The following ERMARD variants were observed in gnomAD, a reference collection of about 807,000 sequenced individuals.
ERMARD encodes ER membrane associated RNA degradation, also known as endoplasmic reticulum membrane-associated RNA degradation protein.
ERMARD carries 71 observed loss-of-function variants against 83.9 expected under a neutral mutation model. The ratio of observed to expected loss-of-function variants is 0.85; its 90% CI spans 0.70 to 1.03. The LOEUF is 1.03. Among genes scored for constraint, ERMARD ranks in the 50% least tolerant of loss-of-function variants. The pLI, the probability that ERMARD is intolerant of heterozygous loss-of-function variation, is 0.00. For missense variants in ERMARD, 838 were observed against 810.9 expected, an observed-to-expected ratio of 1.03 and a Z score of -0.41; for synonymous variants, 284 against 298.6, an observed-to-expected ratio of 0.95 and a Z score of 0.50.
chr6:169,760,475 C>T (rs561879529), intron 7 of ERMARD, among the ~76,000 whole-genome samples, 167 bp from the exon 8 acceptor site: 3 of 152,284 alleles, frequency 2.0e-5, no homozygotes, highest in Admixed American at 6.5e-5. Flanking sequence ...ACCTGCACCT[C>T]GGGCCCTTGG....
intron 12 of ERMARD, 156 bp from the exon 13 acceptor site, chr6:169,773,163 C>G: frequency 3.5e-6 from 2 of 576,858 alleles, no homozygotes; most frequent in Non-Finnish European, 6.1e-6. Context: ...CCTGCCATGT[C>G]AAGCCTATTT....
intron 9 of ERMARD, among the ~76,000 whole-genome samples, chr6:169,765,508 CAA>C (rs1792085649): frequency 6.6e-6 from 1 of 152,210 alleles, no homozygotes; most frequent in South Asian, 2.1e-4. Flanking sequence ...CTCTGTAAAA[CAA>C]AGTAGAAGCT....
intron 2 of ERMARD, among the ~76,000 whole-genome samples, chr6:169,754,939 T>G (rs564832839): frequency 6.6e-6 from 1 of 152,324 alleles, no homozygotes; most frequent in Non-Finnish European, 1.5e-5. Context: ...GAGCCTGGTT[T>G]AATTAAAAAA....
chr6:169,769,500 G>A lies in ERMARD; in HGVS notation c.1060-40G>A, dbSNP rs376238695. On this transcript the variant is annotated intron_variant, in intron 11 of 17. Coordinates refer to ENST00000366773, the MANE Select transcript of ERMARD (RefSeq NM_018341.3). Reference sequence around the variant, plus strand: ...AACACCAGGCACGTCTCTCTGCTGCGGATACTAACAAAATATTTTCTCTGT... The same window carrying A: ...AACACCAGGCACGTCTCTCTGCTGCAGATACTAACAAAATATTTTCTCTGT... 35 of 1,554,988 alleles carry A rather than the reference G, an allele frequency of 2.3e-5. No individual in the cohort carries two copies. The East Asian group carries it at 3.0e-4, about 13-fold the overall frequency.
At chr6:169,772,383 C>T (rs900567719) in intron 12 of ERMARD, among the ~76,000 whole-genome samples, 5 of 152,210 alleles carry the variant, frequency 3.3e-5, no homozygotes, top group African/African-American at 1.2e-4. Context: ...ACTCCAGGCT[C>T]TTACACACCT....
chr6:169,753,012 A>G (rs1029901609), intron 1 of ERMARD: 9 of 152,220 alleles, frequency 5.9e-5, no homozygotes, highest in Admixed American at 4.6e-4. Context: ...GCTTAGAACT[A>G]CATTTGTATA....
At chr6:169,769,775 T>C in intron 12 of ERMARD, 62 bp downstream of exon 12, 1 of 1,416,806 alleles carries the variant, frequency 7.1e-7, no homozygotes, top group Non-Finnish European at 9.5e-7. Context: ...AAATATAGTT[T>C]ATTTTTCAAA....
rs771227992 is a variant in ERMARD, at chr6:169,751,642, C to G, written c.-16C>G. The G allele has an allele frequency of 3.2e-6, 5 of 1,566,638 alleles. No individual in the cohort carries two copies. Among genetic ancestry groups the G allele is most frequent in the East Asian group, 2.4e-5 (1 of 42,126 alleles). ...CCTGCGTCATTCACGCGCGCCGCAG[C>G]GGGGCACCGGAAGTTATGGAGGTAG... On this transcript the variant is annotated 5_prime_UTR_variant, in exon 1 of 18. Coordinates refer to ENST00000366773, the MANE Select transcript of ERMARD (RefSeq NM_018341.3).
At chr6:169,758,871 C>A in intron 5 of ERMARD, 97 bp from the exon 6 acceptor site, 1 of 1,110,026 alleles carries the variant, frequency 9.0e-7, no homozygotes, top group Non-Finnish European at 1.3e-6. Context: ...AAACTGTTGA[C>A]TCTCAGTTAA....
intron 15 of ERMARD, 27 bp from the exon 16 acceptor site, chr6:169,776,428 C>G (rs1328521325): frequency 6.2e-7 from 1 of 1,605,898 alleles, no homozygotes; most frequent in Non-Finnish European, 8.5e-7. Flanking sequence ...ATCATGATGC[C>G]TGCTCCAAGT....
intron 12 of ERMARD, chr6:169,771,077 C>CTTTTTTTTTTTTTTTTTTTTTTTTTTTT (rs60995171): frequency 7.1e-6 from 1 of 141,256 alleles, no homozygotes; most frequent in Non-Finnish European, 1.5e-5. Context: ...TCTTTTCTTT[C>CTTTTTTTTTTTTTTTTTTTTTTTTTTTT]TTTTTTTTTT....
At chr6:169,756,513 C>A in intron 4 of ERMARD, 74 bp downstream of exon 4, 1 of 1,161,036 alleles carries the variant, frequency 8.6e-7, no homozygotes. Context: ...TACAGTTGTC[C>A]TCAGTTTTCT....
chr6:169,760,756 G>C lies in ERMARD; in HGVS notation c.857G>C (p.Arg286Thr). ...GCACTGGTCAAGTTCAAGTCACACA[G>C]GTAACTAAAGGGTACATGGCAGAGT... ...EVALVKFKSH[R>T]FADCAILLLT... is the part of the protein sequence containing the mutation. Residue 286 changes from arginine to threonine, a missense_variant and splice_region_variant, in exon 8 of 18, where the codon AGG becomes ACG. Physicochemically the swap from Arg to Thr is moderately conservative, Grantham distance 71. Transcript: ENST00000366773. 6.2e-7 allele frequency: 1 copy of C among 1,603,260 alleles called. No homozygotes were observed. The highest frequency in any genetic ancestry group is 1.1e-5 in the South Asian group (1 of 90,788).
At position 169,759,917 on chromosome 6, in the gene ERMARD, T is replaced by C; in HGVS notation, c.685T>C (p.Leu229=). 2 of 1,614,220 alleles carry C rather than the reference T, an allele frequency of 1.2e-6. No individual in the cohort carries two copies. Among genetic ancestry groups the C allele is most frequent in the Non-Finnish European group, 1.7e-6 (2 of 1,180,044 alleles). ...TTACCTTCAAAACACTAAACTTACA[T>C]TGGCACATCGCTCTTTCATATCTCT... ...KSYLQNTKLT[L]AHRSFISLTN... The change falls in exon 7 of 18, where the codon TTG becomes CTG. Residue 229 remains leucine, a synonymous_variant. Transcript: ENST00000366773.
At chr6:169,754,728 A>C (rs1790574501) in intron 2 of ERMARD, among the ~76,000 whole-genome samples, 1 of 152,206 alleles carries the variant, frequency 6.6e-6, no homozygotes, top group Non-Finnish European at 1.5e-5. Context: ...AAAGAATAGG[A>C]GGGGCATGTA....
At chr6:169,772,770 CAAAAAAAA>C (rs60417475) in intron 12 of ERMARD, among the ~76,000 whole-genome samples, 2 of 100,158 alleles carry the variant, frequency 2.0e-5, no homozygotes, top group African/African-American at 7.2e-5. Flanking sequence ...GACTCTGTCT[CAAAAAAAA>C]AAAAAAAAAA....
rs566237145 is a variant in ERMARD at position 169,766,029 on chromosome 6, G to A, written c.961-609G>A. Reference sequence around the variant, plus strand: ...TGTCAAATCTCACTGAAGTGATTTCGTCATGCTGTCTGTCAAATCTCACTG... The same window carrying A: ...TGTCAAATCTCACTGAAGTGATTTCATCATGCTGTCTGTCAAATCTCACTG... On this transcript the variant is annotated intron_variant, in intron 9 of 17. Transcript: ENST00000366773. Among the ~76,000 whole-genome samples, 387 of 150,454 alleles carry A rather than the reference G, an allele frequency of 2.6e-3. 4 individuals are homozygous for A. Among genetic ancestry groups the A allele is most frequent in the African/African-American group, 9.0e-3 (366 of 40,508 alleles).
chr6:169,780,793 G>T (rs536264236), intron 17 of ERMARD, among the ~76,000 whole-genome samples: 8 of 152,246 alleles, frequency 5.3e-5, no homozygotes, highest in Non-Finnish European at 7.4e-5. Context: ...GTATCAGCAG[G>T]CTCTGCGTCT....
intron 14 of ERMARD, 136 bp downstream of exon 14, chr6:169,775,482 G>T: frequency 1.1e-6 from 1 of 924,104 alleles, no homozygotes. Context: ...GCTGATGCAG[G>T]CTGTGGGGAG....
Sources: allele counts gnomAD v4.1 joint callset (sites outside exome capture counted in the v4.1 genomes callset), GRCh38; gene constraint gnomAD v4.1.1; transcripts MANE v1.5; gene names NCBI Gene and HGNC (gene_info 2026-07-23, HGNC 2026-07-21).